ETNK1: variants seen among roughly 807,000 people sequenced by gnomAD.
The protein encoded by ETNK1 is putative protein product of Nbla10396.
A neutral mutation model predicts 45.1 loss-of-function variants in ETNK1; 8 were observed. The observed-to-expected ratio is 0.18, with a 90% CI of 0.10 to 0.32. ETNK1 has a LOEUF of 0.32. Ranked by LOEUF, ETNK1 falls within the 10% of genes least tolerant of loss-of-function variation. The pLI is 1.00. For missense variants in ETNK1, 302 were observed against 430.6 expected (o/e 0.70, Z 2.64); for synonymous variants, 152 against 151.9 (o/e 1.00, Z -0.01).
chr12:22,637,442 A>G (rs1953670118), intron 1 of ETNK1, among the ~76,000 whole-genome samples: 1 of 152,200 alleles, frequency 6.6e-6, no homozygotes, highest in Non-Finnish European at 1.5e-5. Flanking sequence ...CCTTTTCTAC[A>G]GGGTTAGAAT....
intron 4 of ETNK1, among the ~76,000 whole-genome samples, chr12:22,664,618 A>G (rs1954036629): frequency 1.3e-5 from 2 of 152,096 alleles, no homozygotes; most frequent in African/African-American, 4.8e-5. Flanking sequence ...AGCAATTTTG[A>G]AAAGGTTAAT....
intron 1 of ETNK1, among the ~76,000 whole-genome samples, chr12:22,640,117 A>G (rs1028827808): frequency 6.6e-6 from 1 of 152,208 alleles, no homozygotes; most frequent in East Asian, 1.9e-4. Context: ...TTTAAATTGT[A>G]TTTTTAACCA....
intron 1 of ETNK1, among the ~76,000 whole-genome samples, chr12:22,634,716 A>T (rs571126329): frequency 9.2e-5 from 14 of 151,714 alleles, no homozygotes; most frequent in Non-Finnish European, 1.8e-4. Flanking sequence ...TAATTTTTGT[A>T]TTTATTTATT....
intron 1 of ETNK1, among the ~76,000 whole-genome samples, chr12:22,641,235 G>A (rs909179078): frequency 2.4e-4 from 37 of 152,220 alleles, no homozygotes; most frequent in African/African-American, 8.7e-4. Flanking sequence ...CGAGGTAACG[G>A]TATTCTCTGG....
chr12:22,653,532 AGT>A (rs760721478), intron 2 of ETNK1, among the ~76,000 whole-genome samples: 1 of 151,934 alleles, frequency 6.6e-6, no homozygotes, highest in East Asian at 1.9e-4. Context: ...TTTTTTCAGC[AGT>A]GTTTTATTAT....
intron 6 of ETNK1, among the ~76,000 whole-genome samples, chr12:22,684,131 T>C (rs1954238023): frequency 6.6e-6 from 1 of 152,186 alleles, no homozygotes. Flanking sequence ...AACAAAGGCC[T>C]TTGATATAAT....
chr12:22,630,766 A>G (rs570233992), intron 1 of ETNK1, among the ~76,000 whole-genome samples: 2 of 151,878 alleles, frequency 1.3e-5, no homozygotes, highest in Non-Finnish European at 2.9e-5. Context: ...GTGCGCCACC[A>G]TGCTCAGCTA....
chr12:22,651,790 A>G (rs1205641812), intron 2 of ETNK1, among the ~76,000 whole-genome samples: 1 of 145,340 alleles, frequency 6.9e-6, no homozygotes, highest in Non-Finnish European at 1.5e-5. Flanking sequence ...GGTTCAAGTG[A>G]TTCTCCTGCA....
At chr12:22,662,242 ATTTTTTTTTTTTTT>A (rs774396641) in intron 4 of ETNK1, among the ~76,000 whole-genome samples, 3 of 73,432 alleles carry the variant, frequency 4.1e-5, no homozygotes, top group Admixed American at 1.5e-4. Context: ...TAATTTTTGT[ATTTTTTTTTTTTTT>A]TTTTTTTTTT....
chr12:22,644,365 T>A, intron 2 of ETNK1: 1 of 1,430,684 alleles, frequency 7.0e-7, no homozygotes, highest in African/African-American at 1.5e-5. Context: ...ACTTAATTGT[T>A]CATGTTTTCA....
At chr12:22,663,889 C>G (rs1311252746) in intron 4 of ETNK1, among the ~76,000 whole-genome samples, 1 of 149,882 alleles carries the variant, frequency 6.7e-6, no homozygotes, top group African/African-American at 2.5e-5. Flanking sequence ...TTATAATGTT[C>G]ATTAGGAAGG....
At position 22,684,564 on chromosome 12, in the gene ETNK1, A is replaced by G; in HGVS notation, c.1019+8A>G. 6.4e-7 allele frequency: 1 copy of G among 1,556,238 alleles called. No individual in the cohort carries two copies. On this transcript the variant is annotated splice_region_variant and intron_variant, in intron 7 of 7. Transcript: ENST00000266517. ...TGAGTTTGATTTCCTTGGGTAAGTTAAATTTTATTATATGATTACATTGGT... is the reference window on the plus strand; with the variant it reads ...TGAGTTTGATTTCCTTGGGTAAGTTGAATTTTATTATATGATTACATTGGT...
chr12:22,641,501 A>G (rs1284968611), intron 1 of ETNK1, among the ~76,000 whole-genome samples: 1 of 152,112 alleles, frequency 6.6e-6, no homozygotes, highest in Non-Finnish European at 1.5e-5. Flanking sequence ...GAGTAACCCT[A>G]TCTAATGTTG....
At position 22,688,259 on chromosome 12, in the gene ETNK1, C is replaced by T. The variant is rs1197947901; in HGVS notation, c.*3305C>T. The T allele has an allele frequency of 6.6e-6, 1 of 151,678 alleles. No individual in the cohort carries two copies. The highest frequency in any genetic ancestry group is 1.5e-5 in the Non-Finnish European group (1 of 67,720). 9.4% of individuals were successfully genotyped at this position (151,678 alleles called of 1,614,324 possible). Reference sequence around the variant, plus strand: ...TTCAACTTAAGCATATCTCAAATGACTTCTCTAAATTTAAAGTTGATCATG... The same window carrying T: ...TTCAACTTAAGCATATCTCAAATGATTTCTCTAAATTTAAAGTTGATCATG... On this transcript the variant is annotated 3_prime_UTR_variant, in exon 8 of 8. Coordinates refer to ENST00000266517, the MANE Select transcript of ETNK1 (RefSeq NM_018638.5).
intron 2 of ETNK1, among the ~76,000 whole-genome samples, chr12:22,650,788 T>A (rs1470662476): frequency 6.6e-6 from 1 of 152,136 alleles, no homozygotes; most frequent in Admixed American, 6.5e-5. Flanking sequence ...ATATAATATT[T>A]GCTAGCAGAA....
intron 1 of ETNK1, among the ~76,000 whole-genome samples, chr12:22,636,983 C>A (rs548906181): frequency 6.6e-6 from 1 of 152,286 alleles, no homozygotes; most frequent in Admixed American, 6.5e-5. Flanking sequence ...TGCACCGAAT[C>A]CCCCTCGGAT....
intron 2 of ETNK1, among the ~76,000 whole-genome samples, chr12:22,644,804 G>A (rs1268756596): frequency 1.3e-5 from 2 of 151,926 alleles, no homozygotes; most frequent in Non-Finnish European, 2.9e-5. Flanking sequence ...CTGTACACTT[G>A]TGAAAGAGTG....
At chr12:22,671,804 A>G (rs914669923) in intron 5 of ETNK1, among the ~76,000 whole-genome samples, 6 of 148,226 alleles carry the variant, frequency 4.0e-5, no homozygotes, top group Non-Finnish European at 7.4e-5. Flanking sequence ...GCGCTACTGC[A>G]CTCCAGCCTG....
At chr12:22,654,556 A>T (rs74068262) in intron 2 of ETNK1, among the ~76,000 whole-genome samples, 3,653 of 152,306 alleles carry the variant, frequency 0.024, 125 homozygotes, top group African/African-American at 0.071. Context: ...AATGTATTCC[A>T]GGTCTGTTGC....
Sources: gnomAD v4.1 joint callset for allele counts (sites outside exome capture counted in the v4.1 genomes callset) on GRCh38, gnomAD v4.1.1 for gene constraint, MANE v1.5 for transcripts, NCBI Gene and HGNC (gene_info 2026-07-23, HGNC 2026-07-21) for gene names.